Variants in PEAK1 observed in about 807,000 individuals in gnomAD.
The protein encoded by PEAK1 is pseudopodium enriched atypical kinase 1.
In PEAK1, 54 loss-of-function variants were observed where a neutral mutation model predicts 124.7. The ratio of observed to expected loss-of-function variants is 0.43; its 90% CI spans 0.35 to 0.54. The LOEUF is 0.54. PEAK1 is among the 20% of genes least tolerant of loss of function. The pLI, the probability that PEAK1 is intolerant of heterozygous loss-of-function variation, is 0.01. For synonymous variants in PEAK1, 719 were observed against 760.0 expected (o/e 0.95, Z 0.89); for missense variants, 2,046 against 2,134.5 (o/e 0.96, Z 0.82).
intron 1 of PEAK1, among the ~76,000 whole-genome samples, chr15:77,369,257 T>C (rs1433026743): frequency 2.0e-5 from 3 of 152,156 alleles, no homozygotes; most frequent in Non-Finnish European, 2.9e-5. Flanking sequence ...GAAGTTTTCA[T>C]AGCACTTAGA....
At position 77,156,484 on chromosome 15, in the gene PEAK1, C is replaced by T. The variant is rs143941176; in HGVS notation, c.3331+2019G>A. ...TAGTGCCTCGCCCTGCTTCAGCTCG[C>T]GCACGGTGTGCTGCACCCACTGTCC... On this transcript the variant is annotated intron_variant, in intron 8 of 9. Transcript: ENST00000682557. 4.7e-3 allele frequency: 726 copies of T among 154,266 alleles called. 5 individuals carry two copies. The highest frequency in any genetic ancestry group is 0.016 in the African/African-American group (664 of 41,580). The allele number at this position is 154,266 out of a possible 1,614,324, so 9.6% of individuals were successfully genotyped here. A position where few individuals can be genotyped will look rare whatever the true frequency, so the allele number is the denominator to read the frequency against.
At chr15:77,350,076 G>C in intron 2 of PEAK1, 1 of 985,404 alleles carries the variant, frequency 1.0e-6, no homozygotes. Context: ...CAGATCATTT[G>C]TGCAAACATA....
At chr15:77,272,635 A>G (rs560910220) in intron 5 of PEAK1, among the ~76,000 whole-genome samples, 1 of 152,094 alleles carries the variant, frequency 6.6e-6, no homozygotes, top group Non-Finnish European at 1.5e-5. Context: ...ACCAACAAAA[A>G]AAGTCCAGGA....
intron 2 of PEAK1, among the ~76,000 whole-genome samples, chr15:77,309,967 AG>A (rs1441502909): frequency 2.0e-5 from 3 of 152,188 alleles, no homozygotes; most frequent in African/African-American, 7.2e-5. Context: ...AGAACATGGT[AG>A]CTGTCTTCTC....
chr15:77,362,075 A>G (rs72744504), intron 2 of PEAK1, among the ~76,000 whole-genome samples: 4,684 of 152,254 alleles, frequency 0.031, 117 homozygotes, highest in Non-Finnish European at 0.049. Flanking sequence ...TTACCAATAG[A>G]TATGAGGAAT....
At chr15:77,185,679 A>C (rs1056952940) in intron 6 of PEAK1, among the ~76,000 whole-genome samples, 1 of 152,198 alleles carries the variant, frequency 6.6e-6, no homozygotes, top group Admixed American at 6.5e-5. Flanking sequence ...CTTTTGGAGA[A>C]GAGTAGGCAG....
intron 5 of PEAK1, among the ~76,000 whole-genome samples, chr15:77,264,452 C>T (rs1477282307): frequency 6.6e-6 from 1 of 152,118 alleles, no homozygotes; most frequent in Non-Finnish European, 1.5e-5. Flanking sequence ...CATTCTTATA[C>T]ACCAATAACA....
At chr15:77,253,710 T>G (rs1221055551) in intron 5 of PEAK1, among the ~76,000 whole-genome samples, 1 of 152,224 alleles carries the variant, frequency 6.6e-6, no homozygotes, top group Admixed American at 6.5e-5. Context: ...CATTCCATAA[T>G]TTTTTGTCTT....
chr15:77,160,776 C>T (rs1474047609), intron 7 of PEAK1, among the ~76,000 whole-genome samples: 1 of 152,162 alleles, frequency 6.6e-6, no homozygotes, highest in Non-Finnish European at 1.5e-5. Context: ...ATAGCTGTTT[C>T]TTGGCTCCTA....
rs756096341 is a variant in PEAK1 at position 77,164,150 on chromosome 15, T to C, written c.3138-5454A>G. Among the ~76,000 whole-genome samples, 4 of 152,246 alleles carry C rather than the reference T, an allele frequency of 2.6e-5. No homozygotes were observed. In the East Asian group the frequency reaches 7.7e-4, roughly 29 times the overall value. ...AATGTGACATTTCTTAATCTTTAGTTTCCAGGTCATCAACTTGATTTTGCC... is the reference window on the plus strand; with the variant it reads ...AATGTGACATTTCTTAATCTTTAGTCTCCAGGTCATCAACTTGATTTTGCC... On this transcript the variant is annotated intron_variant, in intron 7 of 9. Coordinates refer to ENST00000682557, the MANE Select transcript of PEAK1 (RefSeq NM_001385026.1).
chr15:77,301,726 T>A (rs2063797485), intron 2 of PEAK1, among the ~76,000 whole-genome samples: 1 of 152,182 alleles, frequency 6.6e-6, no homozygotes, highest in African/African-American at 2.4e-5. Context: ...TGTTACCCTT[T>A]CTGTACTGCA....
chr15:77,352,360 T>C, intron 2 of PEAK1: 1 of 985,262 alleles, frequency 1.0e-6, no homozygotes, highest in Non-Finnish European at 1.2e-6. Context: ...TCTATCTACC[T>C]GAAACCCCAG....
chr15:77,114,634 T>C lies in PEAK1; in HGVS notation c.4763A>G (p.Lys1588Arg), dbSNP rs571282209. The part of the protein sequence containing the change: ...APEIITATQY[K>R]KCDEFQTGIL... The stretch of plus-strand genomic sequence containing the variant: ...GCCTGTCTGGAACTCATCACACTTT[T>C]TATACTGGGTAGCTGTTATGATCTC... Residue 1588 changes from lysine to arginine, a missense_variant, in exon 10 of 10, where the codon AAA becomes AGA. Transcript: ENST00000682557. 5 of 1,613,910 alleles carry C rather than the reference T, an allele frequency of 3.1e-6. No individual in the cohort carries two copies. Among genetic ancestry groups the C allele is most frequent in the South Asian group, 1.1e-5 (1 of 91,042 alleles).
At chr15:77,299,384 C>T (rs897151513) in intron 2 of PEAK1, among the ~76,000 whole-genome samples, 1 of 152,182 alleles carries the variant, frequency 6.6e-6, no homozygotes, top group African/African-American at 2.4e-5. Context: ...CCCATCATCC[C>T]TAATAACTTG....
At chr15:77,365,885 T>C (rs531234775) in intron 1 of PEAK1, among the ~76,000 whole-genome samples, 17 of 151,954 alleles carry the variant, frequency 1.1e-4, no homozygotes, top group African/African-American at 3.4e-4. Flanking sequence ...CCCATCCTCA[T>C]AGAAAATACA....
chr15:77,351,773 T>C, intron 2 of PEAK1: 1 of 985,406 alleles, frequency 1.0e-6, no homozygotes, highest in Non-Finnish European at 1.2e-6. Context: ...ATGTTAAGAC[T>C]TTATCTTGAT....
intron 5 of PEAK1, among the ~76,000 whole-genome samples, chr15:77,267,126 T>C (rs1597012648): frequency 6.6e-6 from 1 of 152,132 alleles, no homozygotes; most frequent in Middle Eastern, 3.4e-3. Context: ...GCCATAATCT[T>C]CCTGGGAACA....
At chr15:77,219,437 G>A (rs1273920726) in intron 6 of PEAK1, among the ~76,000 whole-genome samples, 3 of 152,088 alleles carry the variant, frequency 2.0e-5, no homozygotes, top group Non-Finnish European at 4.4e-5. Context: ...ATATGTATGA[G>A]CATAGTTAAT....
intron 6 of PEAK1, among the ~76,000 whole-genome samples, chr15:77,209,064 A>G (rs1337733788): frequency 6.6e-6 from 1 of 152,224 alleles, no homozygotes; most frequent in Non-Finnish European, 1.5e-5. Context: ...TATAGATTCA[A>G]CTACTTACTG....
Sources: gnomAD v4.1 joint callset for allele counts (sites outside exome capture counted in the v4.1 genomes callset) on GRCh38, gnomAD v4.1.1 for gene constraint, MANE v1.5 for transcripts, NCBI Gene and HGNC (gene_info 2026-07-23, HGNC 2026-07-21) for gene names.